Variants in PTCD2 observed in about 807,000 individuals in gnomAD.
PTCD2 encodes the protein pentatricopeptide repeat domain 2.
A neutral mutation model predicts 42.6 loss-of-function variants in PTCD2; 31 were observed. That is an observed-to-expected ratio of 0.73 (90% CI 0.55 to 0.98). The LOEUF is 0.98. Ranked by LOEUF, PTCD2 falls within the 50% of genes least tolerant of loss-of-function variation. The pLI, the probability that PTCD2 is intolerant of heterozygous loss-of-function variation, is 0.00. For missense variants in PTCD2, 476 were observed against 454.8 expected, an observed-to-expected ratio of 1.05 and a Z score of -0.42; for synonymous variants, 183 against 170.9, an observed-to-expected ratio of 1.07 and a Z score of -0.55.
chr5:72,350,094 T>C (rs1167407425), intron 8 of PTCD2, among the ~76,000 whole-genome samples: 1 of 152,220 alleles, frequency 6.6e-6, no homozygotes, highest in East Asian at 1.9e-4. Flanking sequence ...TTGTACTACA[T>C]AGCACTGCAT....
intron 7 of PTCD2, among the ~76,000 whole-genome samples, chr5:72,341,294 A>G (rs1283735410): frequency 2.0e-5 from 3 of 151,948 alleles, no homozygotes; most frequent in African/African-American, 7.2e-5. Context: ...TCTGCCCGCC[A>G]CAGCCTCCCA....
rs772656810 is a variant in PTCD2 at position 72,358,400 on chromosome 5, A to G, written c.1140A>G (p.Pro380=). 1.2e-6 allele frequency: 2 copies of G among 1,613,384 alleles called. No individual in the cohort carries two copies. Among genetic ancestry groups the G allele is most frequent in the South Asian group, 2.2e-5 (2 of 91,036 alleles). ...KRMVSRRTFQ[P]LSQSLLAE is the part of the protein sequence containing the mutation. ...TGGTCAGCCGTCGCACCTTCCAGCC[A>G]CTCAGCCAGTCCCTGTTGGCTGAGT... Residue 380 remains proline, a synonymous_variant, in exon 10 of 10, where the codon CCA becomes CCG. Coordinates refer to ENST00000380639, the MANE Select transcript of PTCD2 (RefSeq NM_024754.5).
At chr5:72,322,594 G>A (rs1426724050) in intron 2 of PTCD2, among the ~76,000 whole-genome samples, 1 of 152,180 alleles carries the variant, frequency 6.6e-6, no homozygotes, top group African/African-American at 2.4e-5. Flanking sequence ...TGATAGAAGT[G>A]CAGAGAGAAA....
intron 7 of PTCD2, among the ~76,000 whole-genome samples, chr5:72,342,296 C>T (rs1000811457): frequency 7.9e-5 from 12 of 152,084 alleles, no homozygotes; most frequent in Admixed American, 3.3e-4. Context: ...GTTTTTGGTA[C>T]GCAGTCTCTT....
At chr5:72,344,829 G>C (rs1016445211) in intron 8 of PTCD2, among the ~76,000 whole-genome samples, 6 of 152,180 alleles carry the variant, frequency 3.9e-5, no homozygotes, top group African/African-American at 1.4e-4. Context: ...TTCAAAAGGG[G>C]AGGGAGTGTA....
intron 8 of PTCD2, among the ~76,000 whole-genome samples, chr5:72,346,384 G>A (rs1752361241): frequency 6.6e-6 from 1 of 152,204 alleles, no homozygotes; most frequent in Admixed American, 6.5e-5. Flanking sequence ...AGGCATTAAT[G>A]GTGAGGCAGA....
intron 8 of PTCD2, among the ~76,000 whole-genome samples, chr5:72,347,354 A>T (rs895470036): frequency 2.0e-5 from 3 of 152,188 alleles, no homozygotes; most frequent in Non-Finnish European, 2.9e-5. Context: ...TAGATTTCTC[A>T]TCTCCTTCCA....
At chr5:72,331,470 T>G (rs545060046) in intron 4 of PTCD2, 95 bp downstream of exon 4, 1 of 926,502 alleles carries the variant, frequency 1.1e-6, no homozygotes, top group South Asian at 1.4e-5. Context: ...CTGGGTTAGA[T>G]TTTCAAAGAA....
At chr5:72,327,486 T>TG (rs1448907773) in intron 3 of PTCD2, among the ~76,000 whole-genome samples, 2 of 151,682 alleles carry the variant, frequency 1.3e-5, no homozygotes, top group Admixed American at 6.6e-5. Context: ...TTTTTTTTTT[T>TG]TTTGAGATGA....
In PTCD2 at chr5:72,326,707, G is replaced by A; in HGVS notation, c.316G>A (p.Asp106Asn). Residue 106 changes from aspartate to asparagine, a missense_variant, in exon 3 of 10, where the codon GAC (aspartate) becomes AAC (asparagine). Transcript: ENST00000380639. Reference protein sequence around the residue: ...ITLLHLCESRDHVELAKNVIY... With the variant: ...ITLLHLCESRNHVELAKNVIY... ...CTTACTACATTTGTGTGAGTCTCGGGACCATGTGGAACTGGCTAAAAATGT... is the reference window on the plus strand; with the variant it reads ...CTTACTACATTTGTGTGAGTCTCGGAACCATGTGGAACTGGCTAAAAATGT... The A allele has an allele frequency of 6.2e-7, 1 of 1,614,150 alleles. No homozygotes were observed. Among genetic ancestry groups the A allele is most frequent in the Non-Finnish European group, 8.5e-7 (1 of 1,180,000 alleles).
chr5:72,351,169 G>A (rs918654134), intron 8 of PTCD2, among the ~76,000 whole-genome samples: 1 of 152,196 alleles, frequency 6.6e-6, no homozygotes, highest in Non-Finnish European at 1.5e-5. Context: ...TGAGTTCTCA[G>A]TTATTCTCAC....
intron 8 of PTCD2, among the ~76,000 whole-genome samples, chr5:72,349,066 TAGAGC>T (rs1752496966): frequency 6.6e-6 from 1 of 152,222 alleles, no homozygotes; most frequent in Admixed American, 6.5e-5. Flanking sequence ...CTGTACAAAT[TAGAGC>T]ATTTATTTTT....
chr5:72,366,959 C>T lies in PTCD2; in HGVS notation c.*8532C>T, dbSNP rs1053632587. 5 of 152,316 alleles carry T rather than the reference C, an allele frequency of 3.3e-5. No individual in the cohort carries two copies. Among genetic ancestry groups the T allele is most frequent in the African/African-American group, 1.2e-4 (5 of 41,572 alleles). 9.4% of individuals were successfully genotyped at this position (152,316 alleles called of 1,614,324 possible). The stretch of plus-strand genomic sequence containing the variant: ...CCTCCCAAATTGAGAAGGAAAATCC[C>T]CCCAATTAACTGTTTGCCTTTATTA... On this transcript the variant is annotated 3_prime_UTR_variant, in exon 10 of 10. Transcript: ENST00000380639.
intron 2 of PTCD2, among the ~76,000 whole-genome samples, chr5:72,323,474 C>T (rs188341661): frequency 1.2e-3 from 179 of 152,110 alleles, no homozygotes; most frequent in African/African-American, 4.1e-3. Flanking sequence ...CAGCAGTGGT[C>T]CCTGGGGGTT....
chr5:72,323,027 G>A (rs1173076652), intron 2 of PTCD2, among the ~76,000 whole-genome samples: 2 of 152,164 alleles, frequency 1.3e-5, no homozygotes, highest in African/African-American at 4.8e-5. Context: ...GTGCATGCCT[G>A]TAGTCACAGC....
chr5:72,339,554 C>T (rs1228301487), intron 7 of PTCD2, among the ~76,000 whole-genome samples: 1 of 152,138 alleles, frequency 6.6e-6, no homozygotes, highest in Non-Finnish European at 1.5e-5. Flanking sequence ...CACTTCCCAG[C>T]CTTCTGCTGG....
At chr5:72,335,455 C>CTAA (rs1751687468) in intron 5 of PTCD2, 1 of 121,716 alleles carries the variant, frequency 8.2e-6, no homozygotes, top group Non-Finnish European at 1.6e-5. Flanking sequence ...GACTCCGTCT[C>CTAA]AAAAAAAAAA....
chr5:72,354,409 G>T (rs867628929), intron 9 of PTCD2, among the ~76,000 whole-genome samples: 1 of 41,400 alleles, frequency 2.4e-5, no homozygotes, highest in African/African-American at 1.0e-4. Context: ...AAAAAAAAAA[G>T]CTCTTTTTGA....
At chr5:72,332,468 T>A (rs1038896608) in intron 4 of PTCD2, among the ~76,000 whole-genome samples, 2 of 152,218 alleles carry the variant, frequency 1.3e-5, no homozygotes, top group African/African-American at 4.8e-5. Context: ...ACTTTATCTT[T>A]AGGGGGTAGA....
Sources: gnomAD v4.1 joint callset for allele counts (sites outside exome capture counted in the v4.1 genomes callset) on GRCh38, gnomAD v4.1.1 for gene constraint, MANE v1.5 for transcripts, NCBI Gene and HGNC (gene_info 2026-07-23, HGNC 2026-07-21) for gene names.